The following VPS13B variants were observed in gnomAD, a reference collection of about 807,000 sequenced individuals.
VPS13B encodes the protein vacuolar protein sorting 13 homolog B, also known as intermembrane lipid transfer protein VPS13B.
A neutral mutation model predicts 426.4 loss-of-function variants in VPS13B; 285 were observed. The observed-to-expected ratio is 0.67, with a 90% CI of 0.61 to 0.74. VPS13B has a LOEUF of 0.74. VPS13B is among the 30% of genes least tolerant of loss of function. The pLI is 0.00. For synonymous variants in VPS13B, 1,676 were observed against 1,676.4 expected, an observed-to-expected ratio of 1.00 and a Z score of 0.01; for missense variants, 4,537 against 4,782.6, an observed-to-expected ratio of 0.95 and a Z score of 1.51.
At chr8:99,124,508 G>T (rs1848095963) in intron 8 of VPS13B, among the ~76,000 whole-genome samples, 1 of 152,026 alleles carries the variant, frequency 6.6e-6, no homozygotes, top group Non-Finnish European at 1.5e-5. Context: ...TCCCAAAATG[G>T]AAACAATCCA....
chr8:99,259,954 A>G (rs923492608), intron 17 of VPS13B, among the ~76,000 whole-genome samples: 1 of 152,152 alleles, frequency 6.6e-6, no homozygotes, highest in African/African-American at 2.4e-5. Context: ...TATCAGAAAC[A>G]GTATAAAAGA....
intron 17 of VPS13B, among the ~76,000 whole-genome samples, chr8:99,196,646 T>A (rs1813950719): frequency 6.6e-6 from 1 of 151,624 alleles, no homozygotes; most frequent in Non-Finnish European, 1.5e-5. Context: ...ACCATGTTGG[T>A]CAGGCTGGTC....
At chr8:99,161,486 CA>C (rs1359061777) in intron 15 of VPS13B, among the ~76,000 whole-genome samples, 1 of 152,100 alleles carries the variant, frequency 6.6e-6, no homozygotes, top group Non-Finnish European at 1.5e-5. Flanking sequence ...TTCTACTTGT[CA>C]ATATGTTAAA....
At chr8:99,828,394 G>GTTTTTTT (rs555108452) in intron 51 of VPS13B, among the ~76,000 whole-genome samples, 206 of 17,414 alleles carry the variant, frequency 0.012, 34 homozygotes, top group Admixed American at 0.016. Context: ...TACAACCACC[G>GTTTTTTT]TTTTTTTTTT....
At chr8:99,261,377 A>C (rs943494839) in intron 17 of VPS13B, among the ~76,000 whole-genome samples, 1 of 152,128 alleles carries the variant, frequency 6.6e-6, no homozygotes, top group African/African-American at 2.4e-5. Flanking sequence ...ACATTCTCTT[A>C]GTAATGTGCG....
chr8:99,861,993 A>T, intron 58 of VPS13B, 47 bp downstream of exon 58: 1 of 1,536,750 alleles, frequency 6.5e-7, no homozygotes, highest in Non-Finnish European at 8.7e-7. Context: ...CAGCAGGCTG[A>T]GATGCAGGGT....
intron 19 of VPS13B, among the ~76,000 whole-genome samples, chr8:99,283,922 T>C (rs1477053417): frequency 6.6e-6 from 1 of 152,198 alleles, no homozygotes; most frequent in Non-Finnish European, 1.5e-5. Flanking sequence ...GAGAATTTTT[T>C]TATCCTACTA....
intron 19 of VPS13B, among the ~76,000 whole-genome samples, chr8:99,295,066 C>T (rs914676943): frequency 5.3e-5 from 8 of 152,108 alleles, no homozygotes; most frequent in Admixed American, 2.6e-4. Flanking sequence ...TATGTAGATG[C>T]ATTATGCTAG....
At chr8:99,514,401 A>T (rs1821950773) in intron 29 of VPS13B, among the ~76,000 whole-genome samples, 1 of 152,162 alleles carries the variant, frequency 6.6e-6, no homozygotes, top group Non-Finnish European at 1.5e-5. Flanking sequence ...TTCCAAATGT[A>T]TTTGTCACCC....
chr8:99,272,528 C>CATCATCACT (rs2132987385), intron 17 of VPS13B, among the ~76,000 whole-genome samples: 1 of 152,204 alleles, frequency 6.6e-6, no homozygotes, highest in Non-Finnish European at 1.5e-5. Flanking sequence ...TTATCATCAT[C>CATCATCACT]ATCATCACTA....
At chr8:99,310,501 G>C (rs376838617) in intron 19 of VPS13B, among the ~76,000 whole-genome samples, 2 of 152,078 alleles carry the variant, frequency 1.3e-5, no homozygotes, top group Non-Finnish European at 2.9e-5. Context: ...ATTGATTTGC[G>C]TATGTTGAAC....
At chr8:99,663,893 C>A (rs1049142262) in intron 35 of VPS13B, among the ~76,000 whole-genome samples, 2 of 151,802 alleles carry the variant, frequency 1.3e-5, no homozygotes, top group African/African-American at 4.8e-5. Context: ...AAATTAGATA[C>A]AATATTTTCA....
intron 19 of VPS13B, among the ~76,000 whole-genome samples, chr8:99,324,567 T>A (rs1247535430): frequency 6.6e-6 from 1 of 152,196 alleles, no homozygotes; most frequent in Non-Finnish European, 1.5e-5. Flanking sequence ...TTTTTCTGAT[T>A]TATTTGTTGG....
chr8:99,692,631 G>T (rs1831734633), intron 35 of VPS13B, among the ~76,000 whole-genome samples: 2 of 126,698 alleles, frequency 1.6e-5, no homozygotes, highest in South Asian at 2.6e-4. Context: ...ACAATTAAAA[G>T]AACTAGAAAA....
chr8:99,271,340 G>T (rs571256897), intron 17 of VPS13B, among the ~76,000 whole-genome samples: 9 of 152,122 alleles, frequency 5.9e-5, no homozygotes, highest in African/African-American at 2.2e-4. Flanking sequence ...TGTTAAAAAT[G>T]CTTTAAAATG....
At chr8:99,266,599 A>G (rs1379923098) in intron 17 of VPS13B, among the ~76,000 whole-genome samples, 1 of 152,054 alleles carries the variant, frequency 6.6e-6, no homozygotes, top group Non-Finnish European at 1.5e-5. Context: ...GTGGGAGGTA[A>G]TTGAATCATG....
At chr8:99,722,925 A>G (rs1306601893) in intron 39 of VPS13B, among the ~76,000 whole-genome samples, 2 of 152,240 alleles carry the variant, frequency 1.3e-5, no homozygotes, top group Non-Finnish European at 2.9e-5. Flanking sequence ...GTTTATAGTT[A>G]TAGCTAGATA....
At chr8:99,084,166 T>A (rs1320530414) in intron 3 of VPS13B, among the ~76,000 whole-genome samples, 1 of 152,222 alleles carries the variant, frequency 6.6e-6, no homozygotes, top group Non-Finnish European at 1.5e-5. Flanking sequence ...AGATTCAACT[T>A]CTTCCTGGGT....
At chr8:99,685,415 G>A (rs1395698958) in intron 35 of VPS13B, among the ~76,000 whole-genome samples, 1 of 152,150 alleles carries the variant, frequency 6.6e-6, no homozygotes, top group African/African-American at 2.4e-5. Flanking sequence ...CTAATCTGGG[G>A]GCTCCTGGAA....
Sources: gnomAD v4.1 joint callset for allele counts (sites outside exome capture counted in the v4.1 genomes callset) on GRCh38, gnomAD v4.1.1 for gene constraint, MANE v1.5 for transcripts, NCBI Gene and HGNC (gene_info 2026-07-23, HGNC 2026-07-21) for gene names.